Variants in PEX1 observed in about 807,000 individuals in gnomAD.
PEX1 encodes the protein peroxisomal biogenesis factor 1, also known as peroxisomal ATPase PEX1.
PEX1 carries 97 observed loss-of-function variants against 152.5 expected under a neutral mutation model. The observed-to-expected ratio is 0.64, with a 90% confidence interval of 0.54 to 0.75. The LOEUF is 0.75. PEX1 is among the 30% of genes least tolerant of loss of function. PEX1 has a pLI of 0.00. For synonymous variants in PEX1, 485 were observed against 531.6 expected (o/e 0.91, Z 1.21); for missense variants, 1,357 against 1,516.3 (o/e 0.89, Z 1.74).
rs767337582 is a variant in PEX1, at chr7:92,489,727, C to T, written c.3623G>A (p.Arg1208Gln). ...ADISIIKGRY[R>Q]SQSGEDESMN... The stretch of plus-strand genomic sequence containing the variant: ...AAAAAGCCATACTCCACTTTGGCTC[C>T]GGTATCTGCCTTTGATAATACTGAT... Residue 1208 changes from arginine (R) to glutamine (Q), a missense_variant, in exon 22 of 24, where the codon CGG becomes CAG. Arg to Gln is a conservative substitution (Grantham distance 43, BLOSUM62 1). Transcript: ENST00000248633. 1.2e-4 allele frequency: 188 copies of T among 1,613,724 alleles called. No homozygotes were observed. Among genetic ancestry groups the T allele is most frequent in the Non-Finnish European group, 1.5e-4 (174 of 1,179,734 alleles).
chr7:92,496,109 A>T (rs1473661034), intron 17 of PEX1, among the ~76,000 whole-genome samples: 1 of 152,046 alleles, frequency 6.6e-6, no homozygotes, highest in Non-Finnish European at 1.5e-5. Flanking sequence ...TATTCATTTT[A>T]TTATTCTTCC....
At position 92,518,054 on chromosome 7, in the gene PEX1, A is replaced by AT; in HGVS notation, c.473-13dup. Reference sequence around the variant, plus strand: ...TGGTATTAGTGCAACTGTGTAGAAAATAAAGCTCATTAGTGCACATTCATT... The same window carrying AT: ...TGGTATTAGTGCAACTGTGTAGAAAATTAAAGCTCATTAGTGCACATTCATT... On this transcript the variant is annotated splice_polypyrimidine_tract_variant and intron_variant, in intron 4 of 23. Coordinates refer to ENST00000248633, the MANE Select transcript of PEX1 (RefSeq NM_000466.3). The AT allele has an allele frequency of 6.2e-7, 1 of 1,614,146 alleles. No individual in the cohort carries two copies.
rs1791433024 is a variant in PEX1, at chr7:92,493,047, A to T, written c.3113T>A (p.Val1038Glu). The T allele has an allele frequency of 6.2e-7, 1 of 1,612,050 alleles. No homozygotes were observed. The highest frequency in any genetic ancestry group is 1.1e-5 in the South Asian group (1 of 91,052). Residue 1038 changes from valine to glutamate, a missense_variant, in exon 20 of 24, where the codon GTA becomes GAA. Val to Glu is a moderately radical substitution (Grantham distance 121, BLOSUM62 -2). Coordinates refer to ENST00000248633, the MANE Select transcript of PEX1 (RefSeq NM_000466.3). ...DDVDLQHVAS[V>E]TDSFTGADLK... Reference sequence around the variant, plus strand: ...ATCAGCTCCAGTAAAGGAGTCAGTTACTGATGCTACATGCTGAAGGTCAAC... The same window carrying T: ...ATCAGCTCCAGTAAAGGAGTCAGTTTCTGATGCTACATGCTGAAGGTCAAC...
chr7:92,493,123 G>C lies in PEX1; in HGVS notation c.3037C>G (p.Arg1013Gly). 2 of 1,588,576 alleles carry C rather than the reference G, an allele frequency of 1.3e-6. No homozygotes were observed. The highest frequency in any genetic ancestry group is 1.1e-5 in the South Asian group (1 of 88,102). ...VYCPPPDQVSRLEILNVLSDS... is the reference protein window; with the variant it reads ...VYCPPPDQVSGLEILNVLSDS... ...CTGAGGACATTTAAAATTTCAAGAC[G>C]TGACACCTGAAAGGAGAAAAATTTA... Residue 1013 changes from arginine to glycine, a missense_variant, in exon 20 of 24, where the codon CGT becomes GGT. Coordinates refer to ENST00000248633, the MANE Select transcript of PEX1 (RefSeq NM_000466.3).
intron 11 of PEX1, among the ~76,000 whole-genome samples, chr7:92,505,835 A>G (rs1792162834): frequency 6.6e-6 from 1 of 152,224 alleles, no homozygotes; most frequent in African/African-American, 2.4e-5. Flanking sequence ...TTAAAAGTAC[A>G]AAAGTGTTAT....
intron 23 of PEX1, among the ~76,000 whole-genome samples, chr7:92,488,159 T>G (rs895298455): frequency 6.6e-6 from 1 of 152,210 alleles, no homozygotes; most frequent in South Asian, 2.1e-4. Context: ...AAAACAATTT[T>G]CAGGATGTAT....
Position 92,501,942 on chromosome 7 carries a change from C to T in PEX1, c.2364G>A (p.Val788=). 2 of 1,613,930 alleles carry T rather than the reference C, an allele frequency of 1.2e-6. No individual in the cohort carries two copies. The highest frequency in any genetic ancestry group is 1.7e-6 in the Non-Finnish European group (2 of 1,179,892). Residue 788 remains valine, a synonymous_variant, in exon 14 of 24, where the codon GTG becomes GTA. Coordinates refer to ENST00000248633, the MANE Select transcript of PEX1 (RefSeq NM_000466.3). ...GFVARDFTVL[V]DRAIHSRLSR... is the part of the protein sequence containing the mutation. Reference sequence around the variant, plus strand: ...AGAGTCGAGAATGTATGGCTCGATCCACAAGTACTGTAAAATCTCTAGCCA... The same window carrying T: ...AGAGTCGAGAATGTATGGCTCGATCTACAAGTACTGTAAAATCTCTAGCCA...
At chr7:92,515,949 G>A (rs1325465701) in intron 5 of PEX1, among the ~76,000 whole-genome samples, 1 of 149,474 alleles carries the variant, frequency 6.7e-6, no homozygotes, top group Non-Finnish European at 1.5e-5. Context: ...AGTGGAGGTG[G>A]TGCCACTGCA....
chr7:92,496,696 A>G lies in PEX1; in HGVS notation c.2783+17T>C, dbSNP rs1388742813. ...TAACAGAGTCAGTTACTTTAAAAAC[A>G]TTCATAGGCTACCAACCTAATAAAA... is the stretch of plus-strand genomic sequence containing the variant. On this transcript the variant is annotated intron_variant, in intron 17 of 23. Transcript: ENST00000248633. 4 of 1,555,342 alleles carry G rather than the reference A, an allele frequency of 2.6e-6. No individual in the cohort carries two copies.
intron 1 of PEX1, among the ~76,000 whole-genome samples, chr7:92,527,144 A>G (rs543764705): frequency 6.6e-6 from 1 of 152,342 alleles, no homozygotes; most frequent in East Asian, 1.9e-4. Context: ...GTACTTCCCG[A>G]AGGCTCAAAA....
intron 2 of PEX1, among the ~76,000 whole-genome samples, chr7:92,521,126 A>AT (rs560386954): frequency 3.3e-5 from 5 of 151,966 alleles, no homozygotes; most frequent in African/African-American, 4.8e-5. Flanking sequence ...TGCCCAGCTA[A>AT]TTTTTTTAAT....
In PEX1 at chr7:92,495,124, G is replaced by T. The variant is rs1023312363; in HGVS notation, c.2784-495C>A. On this transcript the variant is annotated intron_variant, in intron 17 of 23. Transcript: ENST00000248633. ...AAAATTTGGAAAGCTCATTATGTTG[G>T]TACTGTTTTGTAAGGGCTCTCTATA... Among the ~76,000 whole-genome samples, 10 of 151,310 alleles carry T rather than the reference G, an allele frequency of 6.6e-5. No individual in the cohort carries two copies. In the East Asian group the frequency reaches 1.4e-3, roughly 20 times the overall value.
chr7:92,509,289 A>G (rs765771802), intron 9 of PEX1, 40 bp downstream of exon 9: 112 of 1,363,098 alleles, frequency 8.2e-5, no homozygotes, highest in Non-Finnish European at 1.1e-4. Flanking sequence ...TATAGTGTTA[A>G]AAACATGTCT....
At chr7:92,523,390 T>C (rs1793134585) in intron 1 of PEX1, among the ~76,000 whole-genome samples, 2 of 151,898 alleles carry the variant, frequency 1.3e-5, no homozygotes, top group South Asian at 2.1e-4. Context: ...GGCACAATCA[T>C]AGGTCACTGT....
Position 92,491,511 on chromosome 7 carries a change from C to A in PEX1, c.3208-9G>T, listed in dbSNP as rs1381356182. ...GAGCTGGAACTTCCATCCTAAAATA[C>A]ACAAAAGGACAACCAGTTTAAAGAT... is the stretch of plus-strand genomic sequence containing the variant. On this transcript the variant is annotated splice_polypyrimidine_tract_variant and intron_variant, in intron 20 of 23. Coordinates refer to ENST00000248633, the MANE Select transcript of PEX1 (RefSeq NM_000466.3). 2.0e-6 allele frequency: 3 copies of A among 1,494,832 alleles called. No homozygotes were observed. Among genetic ancestry groups the A allele is most frequent in the East Asian group, 2.3e-5 (1 of 44,344 alleles). The allele number at this position is 1,494,832 out of a possible 1,614,324, so 92.6% of individuals were successfully genotyped here.
intron 17 of PEX1, 42 bp downstream of exon 17, chr7:92,496,671 T>C (rs1236307337): frequency 7.9e-7 from 1 of 1,264,922 alleles, no homozygotes; most frequent in East Asian, 2.3e-5. Context: ...TGATAAATAA[T>C]AACAGAGTCA....
intron 12 of PEX1, 135 bp from the exon 13 acceptor site, chr7:92,503,330 C>T: frequency 1.3e-6 from 1 of 744,078 alleles, no homozygotes; most frequent in Non-Finnish European, 2.2e-6. Flanking sequence ...TCTTTCATGT[C>T]TTTAAAAAAT....
rs1167141988 is a variant in PEX1, at chr7:92,490,023, A to AT, written c.3439-113dup. ...TTTAAGCAATAAAACATTAACATAG[A>AT]TAAGTATACATGTTAATTAACTGAA... On this transcript the variant is annotated intron_variant, in intron 21 of 23. Transcript: ENST00000248633. 3.6e-6 allele frequency: 3 copies of AT among 844,598 alleles called. No homozygotes were observed. In the African/African-American group the frequency reaches 5.0e-5, roughly 14 times the overall value. 52.3% of individuals were successfully genotyped at this position (844,598 alleles called of 1,614,324 possible).
intron 17 of PEX1, among the ~76,000 whole-genome samples, chr7:92,496,085 G>A (rs369700975): frequency 6.6e-6 from 1 of 151,980 alleles, no homozygotes; most frequent in Non-Finnish European, 1.5e-5. Flanking sequence ...AAACTCGGTG[G>A]TGAATACATG....
Sources: allele counts gnomAD v4.1 joint callset (sites outside exome capture counted in the v4.1 genomes callset), GRCh38; gene constraint gnomAD v4.1.1; transcripts MANE v1.5; gene names NCBI Gene and HGNC (gene_info 2026-07-23, HGNC 2026-07-21).